DST: variants seen among roughly 807,000 people sequenced by gnomAD.
DST encodes dystonin.
Under a neutral mutation model 875.2 loss-of-function variants are expected in DST, and 253 were observed. The observed-to-expected ratio is 0.29, with a 90% CI of 0.26 to 0.32. The LOEUF (loss-of-function observed/expected upper bound fraction) is 0.32. Ranked by LOEUF, DST falls within the 10% of genes least tolerant of loss-of-function variation. DST has a pLI of 1.00. For missense variants in DST, 8,287 were observed against 9,111.6 expected, an observed-to-expected ratio of 0.91 and a Z score of 3.68; for synonymous variants, 3,124 against 3,197.1, an observed-to-expected ratio of 0.98 and a Z score of 0.77.
At chr6:56,707,287 A>C (rs1206502356) in intron 5 of DST, among the ~76,000 whole-genome samples, 5 of 152,240 alleles carry the variant, frequency 3.3e-5, no homozygotes, top group African/African-American at 1.2e-4. Context: ...ACAAGGCAGA[A>C]AAGCTAAGCT....
At chr6:56,743,789 G>T (rs1375513942) in intron 4 of DST, among the ~76,000 whole-genome samples, 1 of 152,122 alleles carries the variant, frequency 6.6e-6, no homozygotes, top group African/African-American at 2.4e-5. Flanking sequence ...GTTTGTAAAA[G>T]CCTACTCAAC....
chr6:56,845,045 G>A (rs997906510), intron 4 of DST, among the ~76,000 whole-genome samples: 1 of 152,184 alleles, frequency 6.6e-6, no homozygotes, highest in South Asian at 2.1e-4. Context: ...AATGTCTGGT[G>A]TTATATAAGG....
In DST at chr6:56,458,203, T is replaced by C. The variant is rs1045179656; in HGVS notation, c.*802A>G. ...TATTGCTCATAAAAAAATACACTAG[T>C]TTTCCCTGGGGAAAAAAAATTAATT... On this transcript the variant is annotated 3_prime_UTR_variant, in exon 104 of 104. Coordinates refer to ENST00000680361, the MANE Select transcript of DST (RefSeq NM_001374736.1). The C allele has an allele frequency of 1.3e-5, 2 of 152,580 alleles. No individual in the cohort carries two copies. The highest frequency in any genetic ancestry group is 1.9e-4 in the East Asian group (1 of 5,196). The allele number at this position is 152,580 out of a possible 1,614,324, so 9.5% of individuals were successfully genotyped here.
At chr6:56,870,952 A>C (rs978685957) in intron 3 of DST, among the ~76,000 whole-genome samples, 1 of 152,090 alleles carries the variant, frequency 6.6e-6, no homozygotes, top group African/African-American at 2.4e-5. Context: ...CCAAGCAATG[A>C]AAATATAATA....
chr6:56,510,665 C>T (rs1237342190), intron 73 of DST, among the ~76,000 whole-genome samples: 3 of 152,076 alleles, frequency 2.0e-5, no homozygotes, highest in Non-Finnish European at 2.9e-5. Flanking sequence ...TGACACTGGC[C>T]CACTCTAATG....
chr6:56,642,792 T>C, intron 15 of DST: 1 of 1,613,934 alleles, frequency 6.2e-7, no homozygotes, highest in East Asian at 2.2e-5. Context: ...TGTGCATTTT[T>C]ATTCCTGAAA....
intron 93 of DST, among the ~76,000 whole-genome samples, chr6:56,473,518 T>C (rs1184541932): frequency 1.3e-5 from 2 of 152,148 alleles, no homozygotes; most frequent in Non-Finnish European, 2.9e-5. Context: ...CACGTCATGG[T>C]CATTTTTGTT....
chr6:56,900,447 C>T lies in DST; in HGVS notation c.391G>A (p.Val131Ile). ...GGCCTCCTGATTGAAGCACCTTGAACAGAGTGATAAAATTCTGGCTGGACT... is the reference window on the plus strand; with the variant it reads ...GGCCTCCTGATTGAAGCACCTTGAATAGAGTGATAAAATTCTGGCTGGACT... ...SRVQPEFYHS[V>I]QGASIRRPSS... Residue 131 changes from valine (V) to isoleucine (I), a missense_variant, in exon 3 of 104, where the codon GTT becomes ATT. By Grantham distance (29) the Val-to-Ile change is conservative (BLOSUM62 3). Around this residue, in one of 10 missense-constraint regions of DST, gnomAD observed 1,160 missense variants for 1,424.3 expected, o/e 0.81. Transcript: ENST00000680361. 1 of 1,367,718 alleles carries T rather than the reference C, an allele frequency of 7.3e-7. No homozygotes were observed. The highest frequency in any genetic ancestry group is 9.8e-7 in the Non-Finnish European group (1 of 1,021,868). 84.7% of individuals were successfully genotyped at this position (1,367,718 alleles called of 1,614,324 possible). A position where few individuals can be genotyped will look rare whatever the true frequency, so the allele number is the denominator to read the frequency against.
At chr6:56,910,051 C>G (rs1798190776) in intron 2 of DST, among the ~76,000 whole-genome samples, 1 of 152,142 alleles carries the variant, frequency 6.6e-6, no homozygotes, top group African/African-American at 2.4e-5. Context: ...AAAATATTAC[C>G]TTTTTAAAAT....
At chr6:56,726,173 T>C (rs145755716) in intron 5 of DST, among the ~76,000 whole-genome samples, 55 of 152,274 alleles carry the variant, frequency 3.6e-4, no homozygotes, top group African/African-American at 1.3e-3. Flanking sequence ...TTCAAATGAC[T>C]CAGTTTCCAA....
chr6:56,664,436 CTGTT>C lies in DST; in HGVS notation c.1214+6201_1214+6204del, dbSNP rs1416472158. Among the ~76,000 whole-genome samples the C allele has an allele frequency of 1.4e-4, 21 of 152,346 alleles. No homozygotes were observed. In the East Asian group the frequency reaches 4.0e-3, roughly 29 times the overall value. On this transcript the variant is annotated intron_variant, in intron 10 of 103. Transcript: ENST00000680361. Reference sequence around the variant, plus strand: ...TTAAATAAGAGGAGAGCTGAACCCTCTGTTTGTAACACCTACCTCTGAGGAACAA... The same window carrying C: ...TTAAATAAGAGGAGAGCTGAACCCTCTGTAACACCTACCTCTGAGGAACAA...
intron 3 of DST, among the ~76,000 whole-genome samples, chr6:56,890,769 G>A (rs568423529): frequency 5.9e-5 from 9 of 152,294 alleles, no homozygotes; most frequent in East Asian, 5.8e-4. Flanking sequence ...GCACAGTCAC[G>A]CTTTCTGACT....
rs1188417345 is a variant in DST, at chr6:56,625,195, G to A, written c.4792C>T (p.Arg1598Ter). The change falls in exon 35 of 104, where the codon CGA (arginine) becomes TGA (stop). Residue 1598 changes from arginine to a stop codon, truncating the protein, a stop_gained. Coordinates refer to ENST00000680361, the MANE Select transcript of DST (RefSeq NM_001374736.1). LOFTEE classifies it high-confidence loss of function. ...DSQQKSPVKR[R>*]RMQSSADLII... ...AGATCTGCTGAACTCTGCATTCTTCGGCGTTTCACTGGAGATTTTTGTTGT... is the reference window on the plus strand; with the variant it reads ...AGATCTGCTGAACTCTGCATTCTTCAGCGTTTCACTGGAGATTTTTGTTGT... 1 of 1,613,182 alleles carries A rather than the reference G, an allele frequency of 6.2e-7. No individual in the cohort carries two copies. The highest frequency in any genetic ancestry group is 8.5e-7 in the Non-Finnish European group (1 of 1,179,460).
chr6:56,784,526 A>G (rs2099700999), intron 4 of DST, among the ~76,000 whole-genome samples: 2 of 152,162 alleles, frequency 1.3e-5, no homozygotes, highest in Non-Finnish European at 2.9e-5. Context: ...TCAGCTCCTG[A>G]GGCTTCTGCA....
chr6:56,491,734 G>A (rs76960252), intron 85 of DST, among the ~76,000 whole-genome samples: 3,848 of 152,224 alleles, frequency 0.025, 73 homozygotes, highest in Non-Finnish European at 0.043. Flanking sequence ...GGGGAGTGCC[G>A]ACCAACTCAG....
chr6:56,777,911 C>T (rs924351393), intron 4 of DST, among the ~76,000 whole-genome samples: 1 of 152,008 alleles, frequency 6.6e-6, no homozygotes, highest in South Asian at 2.1e-4. Context: ...CCATGTTGCC[C>T]AGGCTGGTCT....
chr6:56,561,861 C>T (rs563559567), intron 56 of DST, among the ~76,000 whole-genome samples: 2 of 152,136 alleles, frequency 1.3e-5, no homozygotes, highest in Admixed American at 6.5e-5. Flanking sequence ...GGTCAAATAA[C>T]GTTATCCCAA....
At position 56,608,253 on chromosome 6, in the gene DST, T is replaced by G; in HGVS notation, c.6375A>C (p.Lys2125Asn). Reference sequence around the variant, plus strand: ...TGTTGTTGTCTATAATTCCTAGCTGTTTAGCAGCATCCAAACCAATGACTT... The same window carrying G: ...TGTTGTTGTCTATAATTCCTAGCTGGTTAGCAGCATCCAAACCAATGACTT... ...SSQVIGLDAA[K>N]QLGIIDNNTA... Residue 2125 changes from lysine (K) to asparagine (N), a missense_variant, in exon 40 of 104, where the codon AAA becomes AAC. Physicochemically the swap from Lys to Asn is moderately conservative, Grantham distance 94 (BLOSUM62 0). Coordinates refer to ENST00000680361, the MANE Select transcript of DST (RefSeq NM_001374736.1). 1 of 1,613,778 alleles carries G rather than the reference T, an allele frequency of 6.2e-7. No homozygotes were observed. The highest frequency in any genetic ancestry group is 8.5e-7 in the Non-Finnish European group (1 of 1,179,792).
At chr6:56,591,435 T>C (rs899400126) in intron 49 of DST, among the ~76,000 whole-genome samples, 2 of 152,166 alleles carry the variant, frequency 1.3e-5, no homozygotes, top group South Asian at 4.1e-4. Context: ...AACTGTCCAT[T>C]CCTTAACAAA....
Sources: allele counts gnomAD v4.1 joint callset (sites outside exome capture counted in the v4.1 genomes callset), GRCh38; gene constraint gnomAD v4.1.1; regional missense constraint gnomAD v4.1.1; transcripts MANE v1.5; gene names NCBI Gene and HGNC (gene_info 2026-07-23, HGNC 2026-07-21).